Variants in OXCT1 observed in about 807,000 individuals in gnomAD.
The protein encoded by OXCT1 is succinyl-CoA:3-ketoacid coenzyme A transferase 1, mitochondrial.
OXCT1 carries 27 observed loss-of-function variants against 69.6 expected under a neutral mutation model. That is an observed-to-expected ratio of 0.39 (90% CI 0.29 to 0.54). The LOEUF (loss-of-function observed/expected upper bound fraction) is 0.54, where lower values mean the gene tolerates loss of function less well. Ranked by LOEUF, OXCT1 falls within the 20% of genes least tolerant of loss-of-function variation. OXCT1 has a pLI of 0.72. For missense variants in OXCT1, 437 were observed against 650.2 expected, an observed-to-expected ratio of 0.67 and a Z score of 3.57; for synonymous variants, 202 against 217.8, an observed-to-expected ratio of 0.93 and a Z score of 0.64.
At chr5:41,789,140 A>G (rs1300628857) in intron 13 of OXCT1, among the ~76,000 whole-genome samples, 1 of 152,252 alleles carries the variant, frequency 6.6e-6, no homozygotes, top group Non-Finnish European at 1.5e-5. Context: ...CAGTGATCTA[A>G]GGCAGAAGTT....
At chr5:41,813,306 G>A (rs377383009) in intron 7 of OXCT1, among the ~76,000 whole-genome samples, 49 of 152,164 alleles carry the variant, frequency 3.2e-4, no homozygotes, top group African/African-American at 1.2e-3. Flanking sequence ...ACAAATACTT[G>A]AAGAACCATA....
intron 3 of OXCT1, among the ~76,000 whole-genome samples, chr5:41,858,633 G>A (rs973564981): frequency 2.6e-5 from 4 of 152,094 alleles, no homozygotes; most frequent in Admixed American, 6.6e-5. Flanking sequence ...AAAAGATACC[G>A]CATCAGAGAC....
intron 16 of OXCT1, 30 bp from the exon 17 acceptor site, chr5:41,731,800 A>T (rs765889648): frequency 1.3e-6 from 2 of 1,595,918 alleles, no homozygotes; most frequent in Non-Finnish European, 8.6e-7. Flanking sequence ...AAATCAAATT[A>T]TGAAAAACTG....
Position 41,822,665 on chromosome 5 carries a change from C to T in OXCT1, c.733-15227G>A, listed in dbSNP as rs144690225. On this transcript the variant is annotated intron_variant, in intron 7 of 16. Transcript: ENST00000196371. Reference sequence around the variant, plus strand: ...ATTTTTGTATTTTTAGTAGAGACGGCGTTTCACCATGTTCATCAGGCTGCT... The same window carrying T: ...ATTTTTGTATTTTTAGTAGAGACGGTGTTTCACCATGTTCATCAGGCTGCT... Among the ~76,000 whole-genome samples the T allele has an allele frequency of 7.9e-4, 120 of 152,038 alleles. 1 individual carries two copies. The highest frequency in any genetic ancestry group is 2.4e-3 in the African/African-American group (98 of 41,466).
intron 16 of OXCT1, among the ~76,000 whole-genome samples, chr5:41,733,024 A>G (rs1026032210): frequency 6.6e-6 from 1 of 152,210 alleles, no homozygotes; most frequent in African/African-American, 2.4e-5. Flanking sequence ...ATGATTTGGT[A>G]TATAGCTTAT....
chr5:41,855,297 G>C (rs543022145), intron 3 of OXCT1, among the ~76,000 whole-genome samples: 37 of 152,184 alleles, frequency 2.4e-4, no homozygotes, highest in Non-Finnish European at 5.0e-4. Context: ...AGCAGGAAGA[G>C]GGCTTCCTGG....
intron 5 of OXCT1, among the ~76,000 whole-genome samples, chr5:41,846,240 C>A (rs1050198000): frequency 2.0e-5 from 3 of 149,482 alleles, no homozygotes; most frequent in Non-Finnish European, 3.0e-5. Flanking sequence ...ACTAACTCGT[C>A]ATCTAGCATT....
rs1422128590 is a variant in OXCT1, at chr5:41,805,549, C to T, written c.955+18G>A. On this transcript the variant is annotated intron_variant, in intron 9 of 16. Transcript: ENST00000196371. The stretch of plus-strand genomic sequence containing the variant: ...CAAAGGCTATGTCTTTGCCCGGGCT[C>T]AGAAGGATAAAGGATACCATACATG... 6.4e-7 allele frequency: 1 copy of T among 1,554,942 alleles called. No individual in the cohort carries two copies. Among genetic ancestry groups the T allele is most frequent in the South Asian group, 1.1e-5 (1 of 89,912 alleles).
rs986551100 is a variant in OXCT1 at position 41,850,060 on chromosome 5, G to A, written c.534C>T (p.Gly178=). Reference sequence around the variant, plus strand: ...TTGGCTTACTGGCAATGGCAACACTGCCATCTTTGTTGTATTTGATGGGCG... The same window carrying A: ...TTGGCTTACTGGCAATGGCAACACTACCATCTTTGTTGTATTTGATGGGCG... ...GGSPIKYNKD[G]SVAIASKPRE... The change falls in exon 5 of 17, where the codon GGC becomes GGT. Residue 178 remains glycine (G), a synonymous_variant. Coordinates refer to ENST00000196371, the MANE Select transcript of OXCT1 (RefSeq NM_000436.4). 10 of 1,613,786 alleles carry A rather than the reference G, an allele frequency of 6.2e-6. No homozygotes were observed. Among genetic ancestry groups the A allele is most frequent in the African/African-American group, 1.3e-5 (1 of 74,904 alleles).
intron 6 of OXCT1, 65 bp from the exon 7 acceptor site, chr5:41,840,576 T>C (rs1561120199): frequency 1.1e-6 from 1 of 940,934 alleles, no homozygotes; most frequent in Non-Finnish European, 1.7e-6. Flanking sequence ...CTCTGTCACC[T>C]TTAAGGTTTT....
Position 41,794,140 on chromosome 5 carries a change from T to A in OXCT1, c.1173-62A>T, listed in dbSNP as rs910444456. The A allele has an allele frequency of 1.3e-5, 16 of 1,207,620 alleles. No individual in the cohort carries two copies. The East Asian group carries it at 2.1e-4, about 16-fold the overall frequency. The allele number at this position is 1,207,620 out of a possible 1,614,324, so 74.8% of individuals were successfully genotyped here. ...AAGCTTTTGTCCCCTTTGCTTGAAC[T>A]TGCCAGCAATTAGAATAACTTCATA... is the stretch of plus-strand genomic sequence containing the variant. On this transcript the variant is annotated intron_variant, in intron 12 of 16. Coordinates refer to ENST00000196371, the MANE Select transcript of OXCT1 (RefSeq NM_000436.4).
At chr5:41,766,932 T>C (rs1220768751) in intron 13 of OXCT1, among the ~76,000 whole-genome samples, 1 of 152,162 alleles carries the variant, frequency 6.6e-6, no homozygotes, top group African/African-American at 2.4e-5. Flanking sequence ...GATTTATTAA[T>C]AAAACTAGCT....
intron 5 of OXCT1, among the ~76,000 whole-genome samples, chr5:41,848,626 A>G (rs1472921): frequency 0.15 from 21,957 of 141,776 alleles, 1,959 homozygotes; most frequent in Middle Eastern, 0.26. Context: ...CAGAAATAAC[A>G]CCGCATATCT....
At chr5:41,801,179 G>T in intron 10 of OXCT1, 109 bp from the exon 11 acceptor site, 2 of 867,212 alleles carry the variant, frequency 2.3e-6, no homozygotes, top group Non-Finnish European at 3.8e-6. Context: ...TTTATCATCC[G>T]AAGACTTGAG....
At chr5:41,813,613 T>A (rs1015400950) in intron 7 of OXCT1, among the ~76,000 whole-genome samples, 1 of 152,068 alleles carries the variant, frequency 6.6e-6, no homozygotes, top group Admixed American at 6.6e-5. Flanking sequence ...AGCATTATAG[T>A]TAAGGGGCAA....
chr5:41,778,254 G>GT (rs1561068668), intron 13 of OXCT1, among the ~76,000 whole-genome samples: 1 of 152,134 alleles, frequency 6.6e-6, no homozygotes, highest in Non-Finnish European at 1.5e-5. Flanking sequence ...TATAAATCAA[G>GT]TATTAGTACA....
At chr5:41,846,701 C>T (rs553157633) in intron 5 of OXCT1, among the ~76,000 whole-genome samples, 2 of 152,296 alleles carry the variant, frequency 1.3e-5, no homozygotes, top group African/African-American at 2.4e-5. Context: ...CCTGAGGAAT[C>T]GCCACACTGA....
At chr5:41,853,989 C>A (rs77386879) in intron 3 of OXCT1, among the ~76,000 whole-genome samples, 2,756 of 152,144 alleles carry the variant, frequency 0.018, 106 homozygotes, top group South Asian at 0.079. Context: ...AATATACTGA[C>A]CCAAAATGAA....
intron 14 of OXCT1, among the ~76,000 whole-genome samples, chr5:41,754,026 G>A (rs1457601860): frequency 6.6e-6 from 1 of 152,134 alleles, no homozygotes; most frequent in Non-Finnish European, 1.5e-5. Flanking sequence ...CTTTAGGACT[G>A]TAGCCCAAAA....
Sources: gnomAD v4.1 joint callset for allele counts (sites outside exome capture counted in the v4.1 genomes callset) on GRCh38, gnomAD v4.1.1 for gene constraint, MANE v1.5 for transcripts, NCBI Gene and HGNC (gene_info 2026-07-23, HGNC 2026-07-21) for gene names.